SCMH1: variants seen among roughly 807,000 people sequenced by gnomAD.
SCMH1 encodes the protein polycomb protein SCMH1.
Under a neutral mutation model 70.8 loss-of-function variants are expected in SCMH1, and 37 were observed. The observed-to-expected ratio is 0.52, with a 90% CI of 0.40 to 0.69. The LOEUF is 0.69. Ranked by LOEUF, SCMH1 falls within the 30% of genes least tolerant of loss-of-function variation. SCMH1 has a pLI of 0.00. For synonymous variants in SCMH1, 292 were observed against 307.4 expected (o/e 0.95, Z 0.52); for missense variants, 607 against 827.3 (o/e 0.73, Z 3.27).
intron 1 of SCMH1, among the ~76,000 whole-genome samples, chr1:41,227,240 TTTC>T (rs1660446516): frequency 1.3e-5 from 2 of 152,218 alleles, no homozygotes; most frequent in Non-Finnish European, 2.9e-5. Flanking sequence ...TATGACAGTC[TTTC>T]CTGTCTCTGA....
chr1:41,107,964 A>G (rs144450038), intron 8 of SCMH1, among the ~76,000 whole-genome samples: 43 of 152,346 alleles, frequency 2.8e-4, no homozygotes, highest in African/African-American at 1.0e-3. Context: ...ATATTCTGAA[A>G]GTTTTGTTTC....
intron 2 of SCMH1, among the ~76,000 whole-genome samples, chr1:41,165,060 C>G (rs1646324157): frequency 6.6e-6 from 1 of 152,056 alleles, no homozygotes; most frequent in Admixed American, 6.5e-5. Flanking sequence ...CCCTCCCCTC[C>G]CAGCCTCTGG....
At chr1:41,133,140 C>T (rs1254820763) in intron 6 of SCMH1, among the ~76,000 whole-genome samples, 1 of 152,118 alleles carries the variant, frequency 6.6e-6, no homozygotes, top group African/African-American at 2.4e-5. Context: ...GGCAGTATGG[C>T]CATTTTCACG....
At chr1:41,049,271 TA>T (rs1393966302) in intron 10 of SCMH1, among the ~76,000 whole-genome samples, 1 of 151,918 alleles carries the variant, frequency 6.6e-6, no homozygotes, top group Non-Finnish European at 1.5e-5. Flanking sequence ...CATATATGTG[TA>T]AGGCACTGTG....
chr1:41,080,951 G>T (rs958077733), intron 8 of SCMH1, among the ~76,000 whole-genome samples: 20 of 152,124 alleles, frequency 1.3e-4, no homozygotes, highest in African/African-American at 4.3e-4. Flanking sequence ...TATAAATACA[G>T]ACTGTAAGGG....
rs541794753 is a variant in SCMH1, at chr1:41,182,445, G to A, written c.13+3676C>T. Among the ~76,000 whole-genome samples the A allele has an allele frequency of 1.9e-3, 292 of 152,272 alleles. 2 individuals are homozygous for A. Among genetic ancestry groups the A allele is most frequent in the African/African-American group, 6.7e-3 (280 of 41,554 alleles). On this transcript the variant is annotated intron_variant, in intron 2 of 14. Transcript: ENST00000337495. ...AGGCATCAAATAGTTCAAAAAGTTC[G>A]GTGGCCCATGCCTGTTATCCCAGTA...
intron 10 of SCMH1, among the ~76,000 whole-genome samples, chr1:41,051,905 T>TA (rs1648318159): frequency 1.3e-5 from 2 of 152,210 alleles, no homozygotes; most frequent in African/African-American, 4.8e-5. Flanking sequence ...AGTAATATCC[T>TA]AGGCCTTCAC....
chr1:41,130,588 T>G (rs533949014), intron 6 of SCMH1, among the ~76,000 whole-genome samples: 94 of 152,298 alleles, frequency 6.2e-4, no homozygotes, highest in African/African-American at 2.2e-3. Context: ...TATGTCATTT[T>G]TCTAGCATTA....
At chr1:41,208,710 C>A (rs147121308) in intron 1 of SCMH1, among the ~76,000 whole-genome samples, 1 of 152,258 alleles carries the variant, frequency 6.6e-6, no homozygotes, top group Non-Finnish European at 1.5e-5. Flanking sequence ...ACCAGAATCT[C>A]AGGGACACAT....
chr1:41,170,473 G>A lies in SCMH1; in HGVS notation c.14-9041C>T, dbSNP rs555897630. 4.6e-5 allele frequency among the ~76,000 whole-genome samples: 7 copies of A among 152,276 alleles called. No individual in the cohort carries two copies. The South Asian group carries it at 1.2e-3, about 27-fold the overall frequency. On this transcript the variant is annotated intron_variant, in intron 2 of 14. Transcript: ENST00000337495. ...TTTCTCTGAGAGAGAACTGATCCAT[G>A]AATAGATATTTATTTGGTGCATTCA...
At chr1:41,167,021 A>G (rs891073526) in intron 2 of SCMH1, among the ~76,000 whole-genome samples, 5 of 152,114 alleles carry the variant, frequency 3.3e-5, no homozygotes, top group Admixed American at 1.3e-4. Context: ...CATTCCTTCC[A>G]TATCTAATAT....
At chr1:41,053,595 C>T (rs1649065263) in intron 10 of SCMH1, among the ~76,000 whole-genome samples, 1 of 152,244 alleles carries the variant, frequency 6.6e-6, no homozygotes, top group Admixed American at 6.5e-5. Context: ...CAAGCTGTCT[C>T]CACCCAGGCC....
At chr1:41,042,405 C>T (rs564256828) in intron 12 of SCMH1, among the ~76,000 whole-genome samples, 3 of 152,190 alleles carry the variant, frequency 2.0e-5, no homozygotes, top group Non-Finnish European at 4.4e-5. Flanking sequence ...TGCACCACCA[C>T]GCCCAGCTAA....
intron 1 of SCMH1, among the ~76,000 whole-genome samples, chr1:41,188,061 T>C (rs940451605): frequency 5.3e-5 from 8 of 152,208 alleles, no homozygotes; most frequent in Non-Finnish European, 1.2e-4. Context: ...AAAGTTCTTG[T>C]ATTTATTCCA....
At chr1:41,227,651 G>A (rs960433788) in intron 1 of SCMH1, among the ~76,000 whole-genome samples, 2 of 152,162 alleles carry the variant, frequency 1.3e-5, no homozygotes, top group African/African-American at 4.8e-5. Context: ...TATGTCACAA[G>A]TGGTAAAGAA....
chr1:41,057,052 C>A, intron 10 of SCMH1, among the ~76,000 whole-genome samples: 1 of 152,100 alleles, frequency 6.6e-6, no homozygotes, highest in Middle Eastern at 3.2e-3. Flanking sequence ...CAATGCTAGC[C>A]TTCCATTCGG....
intron 1 of SCMH1, among the ~76,000 whole-genome samples, chr1:41,238,989 A>T (rs1350388924): frequency 2.0e-5 from 3 of 152,150 alleles, no homozygotes; most frequent in Admixed American, 1.3e-4. Flanking sequence ...ACCTGCACAT[A>T]CAATCAATCA....
intron 8 of SCMH1, among the ~76,000 whole-genome samples, chr1:41,091,278 T>C (rs1572015960): frequency 6.6e-6 from 1 of 151,988 alleles, no homozygotes; most frequent in South Asian, 2.1e-4. Context: ...GAACTAAAGA[T>C]AAAAACCACA....
intron 8 of SCMH1, among the ~76,000 whole-genome samples, chr1:41,090,855 C>T (rs971192673): frequency 1.6e-4 from 25 of 151,854 alleles, no homozygotes; most frequent in African/African-American, 5.1e-4. Context: ...CTGGCTAACA[C>T]GGTGAAACCC....
Sources: gnomAD v4.1 joint callset for allele counts (sites outside exome capture counted in the v4.1 genomes callset) on GRCh38, gnomAD v4.1.1 for gene constraint, MANE v1.5 for transcripts, NCBI Gene and HGNC (gene_info 2026-07-23, HGNC 2026-07-21) for gene names.